The following HAO2 variants were observed in gnomAD, a reference collection of about 807,000 sequenced individuals.
The protein encoded by HAO2 is hydroxyacid oxidase 2.
In HAO2, 42 loss-of-function variants were observed where a neutral mutation model predicts 37.4. The ratio of observed to expected loss-of-function variants is 1.12; its 90% CI spans 0.88 to 1.45. The LOEUF (loss-of-function observed/expected upper bound fraction) is 1.45. Ranked by LOEUF, HAO2 falls within the 40% of genes most tolerant of loss-of-function variation. The probability of loss-of-function intolerance (pLI) is 0.00; values close to 1 mark genes in which losing one functional copy is unlikely to be tolerated. For missense variants in HAO2, 476 were observed against 430.2 expected (o/e 1.11, Z -0.94); for synonymous variants, 180 against 162.8 (o/e 1.11, Z -0.81).
At chr1:119,393,300 A>G (rs1325503491) in intron 7 of HAO2, among the ~76,000 whole-genome samples, 1 of 152,084 alleles carries the variant, frequency 6.6e-6, no homozygotes, top group African/African-American at 2.4e-5. Flanking sequence ...GTCCAATCTG[A>G]GCTACAGTCA....
intron 1 of HAO2, among the ~76,000 whole-genome samples, chr1:119,373,348 T>C (rs1300285182): frequency 6.6e-6 from 1 of 152,182 alleles, no homozygotes; most frequent in African/African-American, 2.4e-5. Context: ...TAAGTTATAT[T>C]GCCAGGCTAT....
rs1651125720 is a variant in HAO2 at position 119,393,933 on chromosome 1, A to G, written c.*93A>G. ...TGTGATGCTGTCCTTCCTGGACCCC[A>G]TTCTGTCCGGAGGCTCATGGCCCAT... On this transcript the variant is annotated 3_prime_UTR_variant, in exon 8 of 8. Coordinates refer to ENST00000325945, the MANE Select transcript of HAO2 (RefSeq NM_016527.4). The G allele has an allele frequency of 6.3e-7, 1 of 1,597,214 alleles. No homozygotes were observed. Among genetic ancestry groups the G allele is most frequent in the East Asian group, 2.3e-5 (1 of 44,220 alleles).
rs1650407874 is a variant in HAO2 at position 119,386,699 on chromosome 1, C to T, written c.639C>T (p.Ser213=). ...LCWNDLSWFQ[S]ITRLPIILKG... is the part of the protein sequence containing the mutation. ...GGAATGATCTCTCCTGGTTTCAGAG[C>T]ATAACTCGATTGCCCATCATCCTGA... The change falls in exon 5 of 8, where the codon AGC becomes AGT. Residue 213 remains serine (S), a synonymous_variant. Transcript: ENST00000325945. 1.2e-6 allele frequency: 2 copies of T among 1,613,014 alleles called. No homozygotes were observed. The highest frequency in any genetic ancestry group is 1.7e-6 in the Non-Finnish European group (2 of 1,179,002).
At chr1:119,380,404 C>T (rs1248463267) in intron 1 of HAO2, 4 of 386,242 alleles carry the variant, frequency 1.0e-5, no homozygotes, top group Admixed American at 8.7e-5. Flanking sequence ...AGATGGTGAC[C>T]CTTGAGCCTC....
At chr1:119,370,008 C>T (rs1390595323) in intron 1 of HAO2, 1 of 152,152 alleles carries the variant, frequency 6.6e-6, no homozygotes, top group African/African-American at 2.4e-5. Flanking sequence ...TTCTTCCTTA[C>T]ACAATATCAG....
intron 1 of HAO2, among the ~76,000 whole-genome samples, chr1:119,373,273 T>C (rs1378834166): frequency 6.6e-6 from 1 of 151,404 alleles, no homozygotes; most frequent in African/African-American, 2.4e-5. Context: ...TGTAGATGAG[T>C]TGAGTCTCTA....
chr1:119,392,593 CTCTG>C (rs1181130149), intron 6 of HAO2, 21 bp from the exon 7 acceptor site: 4 of 1,518,404 alleles, frequency 2.6e-6, no homozygotes, highest in African/African-American at 2.7e-5. Context: ...CTCTTTGTGT[CTCTG>C]TCTGTCTGCC....
intron 1 of HAO2, among the ~76,000 whole-genome samples, chr1:119,376,907 G>A (rs1489393685): frequency 6.6e-6 from 1 of 152,180 alleles, no homozygotes; most frequent in Non-Finnish European, 1.5e-5. Flanking sequence ...CCTATGATGG[G>A]AGGGTCTGCA....
chr1:119,383,269 T>C (rs1650107143), intron 3 of HAO2, among the ~76,000 whole-genome samples: 1 of 152,238 alleles, frequency 6.6e-6, no homozygotes, highest in Non-Finnish European at 1.5e-5. Flanking sequence ...AAAGAATAGT[T>C]AGAGTGCAAG....
At chr1:119,371,240 A>G (rs587712627) in intron 1 of HAO2, among the ~76,000 whole-genome samples, 44 of 152,338 alleles carry the variant, frequency 2.9e-4, no homozygotes, top group Non-Finnish European at 5.0e-4. Flanking sequence ...CTGTTGCATT[A>G]GCTTGGATAC....
At chr1:119,385,148 T>A in intron 4 of HAO2, 95 bp downstream of exon 4, 1 of 1,506,710 alleles carries the variant, frequency 6.6e-7, no homozygotes, top group African/African-American at 1.4e-5. Flanking sequence ...TCCACAGGCA[T>A]TTATCGAACA....
chr1:119,372,174 A>G (rs1475578915), intron 1 of HAO2, among the ~76,000 whole-genome samples: 1 of 152,232 alleles, frequency 6.6e-6, no homozygotes, highest in Non-Finnish European at 1.5e-5. Context: ...ACTGTAAAGC[A>G]ATGTTATTGT....
At chr1:119,369,782 G>A (rs1007300625) in intron 1 of HAO2, among the ~76,000 whole-genome samples, 4 of 152,066 alleles carry the variant, frequency 2.6e-5, no homozygotes, top group Non-Finnish European at 5.9e-5. Context: ...AGGGACTCCT[G>A]TTGTACTCTA....
At chr1:119,381,580 A>G (rs1649948481) in intron 2 of HAO2, among the ~76,000 whole-genome samples, 1 of 152,128 alleles carries the variant, frequency 6.6e-6, no homozygotes, top group Admixed American at 6.6e-5. Context: ...GGAGAAGAAA[A>G]TGGAAGACAG....
chr1:119,392,192 A>G lies in HAO2; in HGVS notation c.854A>G (p.Asp285Gly). The part of the protein sequence containing the change: ...YLDGGVRTGN[D>G]VLKALALGAK... ...GATGGCGGGGTCCGAACTGGCAATG[A>G]TGTGCTGAAGGCTCTGGCCCTTGGA... The change falls in exon 6 of 8, where the codon GAT becomes GGT. Residue 285 changes from aspartate to glycine, a missense_variant. Coordinates refer to ENST00000325945, the MANE Select transcript of HAO2 (RefSeq NM_016527.4). 2 of 1,613,276 alleles carry G rather than the reference A, an allele frequency of 1.2e-6. No individual in the cohort carries two copies. The highest frequency in any genetic ancestry group is 1.7e-5 in the Admixed American group (1 of 59,976).
chr1:119,391,304 A>G (rs984319889), intron 5 of HAO2, among the ~76,000 whole-genome samples: 23 of 152,102 alleles, frequency 1.5e-4, no homozygotes, highest in Non-Finnish European at 7.4e-5. Flanking sequence ...TCCCTCCCCA[A>G]GGATCTTCCG....
Position 119,392,678 on chromosome 1 carries a change from G to A in HAO2, c.991G>A (p.Ala331Thr). ...ILTNEFHTSM[A>T]LTGCRSVAEI... ...AACAAATGAGTTCCACACTTCCATG[G>A]CCCTTACAGGTAAGTTAACATGTTT... The change falls in exon 7 of 8, where the codon GCC (alanine) becomes ACC (threonine). Residue 331 changes from alanine to threonine, a missense_variant. Physicochemically the swap from Ala to Thr is moderately conservative, Grantham distance 58. Coordinates refer to ENST00000325945, the MANE Select transcript of HAO2 (RefSeq NM_016527.4). 1.3e-6 allele frequency: 2 copies of A among 1,592,026 alleles called. No individual in the cohort carries two copies. The highest frequency in any genetic ancestry group is 1.7e-6 in the Non-Finnish European group (2 of 1,159,934).
intron 6 of HAO2, 89 bp from the exon 7 acceptor site, chr1:119,392,529 C>A: frequency 2.2e-6 from 2 of 897,390 alleles, no homozygotes; most frequent in East Asian, 2.4e-5. Flanking sequence ...CCCATTATAG[C>A]TCTGACTACA....
At chr1:119,374,558 G>C (rs1649291728) in intron 1 of HAO2, among the ~76,000 whole-genome samples, 1 of 152,190 alleles carries the variant, frequency 6.6e-6, no homozygotes, top group African/African-American at 2.4e-5. Flanking sequence ...AGAGGTTCTG[G>C]AAGGACACCA....
Sources: gnomAD v4.1 joint callset for allele counts (sites outside exome capture counted in the v4.1 genomes callset) on GRCh38, gnomAD v4.1.1 for gene constraint, MANE v1.5 for transcripts, NCBI Gene and HGNC (gene_info 2026-07-23, HGNC 2026-07-21) for gene names.